The following NCAPG2 variants were observed in gnomAD, a reference collection of about 807,000 sequenced individuals.
NCAPG2 encodes condensin-2 complex subunit G2.
A neutral mutation model predicts 141.1 loss-of-function variants in NCAPG2; 53 were observed. The ratio of observed to expected loss-of-function variants is 0.38; its 90% CI spans 0.30 to 0.47. The LOEUF is 0.47. Ranked by LOEUF, NCAPG2 falls within the 20% of genes least tolerant of loss-of-function variation. NCAPG2 has a pLI of 0.99. For synonymous variants in NCAPG2, 499 were observed against 490.7 expected, an observed-to-expected ratio of 1.02 and a Z score of -0.22; for missense variants, 1,087 against 1,389.0, an observed-to-expected ratio of 0.78 and a Z score of 3.46.
At chr7:158,634,464 G>A (rs557431700) in intron 27 of NCAPG2, among the ~76,000 whole-genome samples, 1 of 152,212 alleles carries the variant, frequency 6.6e-6, no homozygotes, top group African/African-American at 2.4e-5. Context: ...TTCAGTACAG[G>A]CACAACCATC....
At chr7:158,649,409 A>T (rs1378915556) in intron 24 of NCAPG2, among the ~76,000 whole-genome samples, 1 of 152,238 alleles carries the variant, frequency 6.6e-6, no homozygotes, top group African/African-American at 2.4e-5. Flanking sequence ...ATAATTACTC[A>T]ACTCTGCACA....
intron 2 of NCAPG2, among the ~76,000 whole-genome samples, chr7:158,695,976 G>C (rs1193105675): frequency 6.6e-6 from 1 of 152,242 alleles, no homozygotes; most frequent in Non-Finnish European, 1.5e-5. Context: ...GCCCCAGCAA[G>C]GTGCCTTTTT....
At chr7:158,671,762 C>T (rs1256903721) in intron 12 of NCAPG2, 96 bp from the exon 13 acceptor site, 1 of 1,350,498 alleles carries the variant, frequency 7.4e-7, no homozygotes, top group Non-Finnish European at 1.0e-6. Flanking sequence ...TCGGTTCCAT[C>T]TTTATTAGAA....
intron 24 of NCAPG2, among the ~76,000 whole-genome samples, chr7:158,648,881 A>AG: frequency 6.6e-6 from 1 of 150,728 alleles, no homozygotes; most frequent in South Asian, 2.1e-4. Context: ...ATGGACTATA[A>AG]CCACGGCAAA....
rs546096335 is a variant in NCAPG2 at position 158,648,581 on chromosome 7, A to G, written c.3076-2018T>C. Among the ~76,000 whole-genome samples the G allele has an allele frequency of 9.9e-5, 12 of 121,820 alleles. No individual in the cohort carries two copies. In the East Asian group the frequency reaches 1.3e-3, roughly 13 times the overall value. 79.9% of individuals were successfully genotyped at this position (121,820 alleles called of 152,430 possible). On this transcript the variant is annotated intron_variant, in intron 24 of 27. Transcript: ENST00000356309. ...CGACAACCACGCCAAATGGACGACA[A>G]CCACGCCAAATGGACGACAACCACG...
chr7:158,642,359 G>T (rs146161938), intron 27 of NCAPG2, among the ~76,000 whole-genome samples: 9 of 152,140 alleles, frequency 5.9e-5, no homozygotes, highest in African/African-American at 1.7e-4. Context: ...AACATAGTGA[G>T]ACCCCATCTC....
chr7:158,684,409 T>C (rs1466360307), intron 8 of NCAPG2, among the ~76,000 whole-genome samples: 4 of 152,246 alleles, frequency 2.6e-5, no homozygotes, highest in Non-Finnish European at 5.9e-5. Flanking sequence ...GCAAATGCCA[T>C]GTGGGCAACT....
At chr7:158,681,325 A>G (rs1432372351) in intron 9 of NCAPG2, among the ~76,000 whole-genome samples, 1 of 152,212 alleles carries the variant, frequency 6.6e-6, no homozygotes, top group Non-Finnish European at 1.5e-5. Context: ...AGTTCCTCCC[A>G]AAACTTATGA....
Position 158,655,396 on chromosome 7 carries a change from T to C in NCAPG2, c.2448A>G (p.Ala816=), listed in dbSNP as rs1281693012. ...PGGKPRGFSE[A]AAPRAFGLHC... ...GGAGACCAAAGGCTCGCGGGGCAGC[T>C]GCTTCACTGAAGCCACGAGGCTTCC... The change falls in exon 20 of 28, where the codon GCA becomes GCG. Residue 816 remains alanine, a synonymous_variant. Coordinates refer to ENST00000356309, the MANE Select transcript of NCAPG2 (RefSeq NM_017760.7). 1 of 1,614,200 alleles carries C rather than the reference T, an allele frequency of 6.2e-7. No homozygotes were observed. Among genetic ancestry groups the C allele is most frequent in the Non-Finnish European group, 8.5e-7 (1 of 1,180,044 alleles).
At chr7:158,635,506 T>C (rs947054151) in intron 27 of NCAPG2, among the ~76,000 whole-genome samples, 1 of 152,172 alleles carries the variant, frequency 6.6e-6, no homozygotes, top group Non-Finnish European at 1.5e-5. Context: ...CCTTAAGAAA[T>C]ATATTATTTA....
chr7:158,687,326 C>T (rs749366980), intron 7 of NCAPG2, 22 bp downstream of exon 7: 200 of 1,543,760 alleles, frequency 1.3e-4, no homozygotes, highest in Non-Finnish European at 1.8e-4. Flanking sequence ...AGCACAAAAT[C>T]TTCAGTACTT....
chr7:158,664,446 T>G (rs1832763944), intron 14 of NCAPG2, 82 bp downstream of exon 14: 1 of 1,527,698 alleles, frequency 6.5e-7, no homozygotes. Flanking sequence ...CTTATTAAAT[T>G]GACAAATACT....
intron 19 of NCAPG2, among the ~76,000 whole-genome samples, chr7:158,655,995 C>A (rs1445922604): frequency 1.3e-5 from 2 of 152,208 alleles, no homozygotes; most frequent in Non-Finnish European, 2.9e-5. Context: ...TTCTGAGACA[C>A]TGGGGCCATC....
rs778216077 is a variant in NCAPG2 at position 158,631,683 on chromosome 7, C to T, written c.3415G>A (p.Glu1139Lys). The change falls in exon 28 of 28, where the codon GAA becomes AAA. Residue 1139 changes from glutamate to lysine, a missense_variant. Transcript: ENST00000356309. Reference sequence around the variant, plus strand: ...TGGCTTGGTTATGAATTCAAAAGTTCTCCCAGAGTTCTTGATGATGATTCA... The same window carrying T: ...TGGCTTGGTTATGAATTCAAAAGTTTTCCCAGAGTTCTTGATGATGATTCA... ...LYESSSRTLGELLNS is the reference protein window; with the variant it reads ...LYESSSRTLGKLLNS 2 of 1,599,390 alleles carry T rather than the reference C, an allele frequency of 1.3e-6. No homozygotes were observed. The highest frequency in any genetic ancestry group is 8.6e-7 in the Non-Finnish European group (1 of 1,167,282).
intron 24 of NCAPG2, among the ~76,000 whole-genome samples, chr7:158,647,331 T>A (rs911241222): frequency 6.6e-6 from 1 of 152,198 alleles, no homozygotes; most frequent in African/African-American, 2.4e-5. Context: ...CTGGGGCACG[T>A]TGCCCACCCC....
At chr7:158,669,700 C>T (rs985200789) in intron 13 of NCAPG2, among the ~76,000 whole-genome samples, 6 of 124,282 alleles carry the variant, frequency 4.8e-5, no homozygotes, top group Admixed American at 1.1e-4. Flanking sequence ...AGCTGGGAGG[C>T]GGAGGTTGCA....
intron 24 of NCAPG2, among the ~76,000 whole-genome samples, chr7:158,648,202 G>C (rs1831172272): frequency 6.6e-6 from 1 of 152,080 alleles, no homozygotes; most frequent in Non-Finnish European, 1.5e-5. Context: ...ATAAGGGATA[G>C]GAGAACACAA....
intron 7 of NCAPG2, 70 bp downstream of exon 7, chr7:158,687,278 G>A (rs182657732): frequency 1.9e-6 from 2 of 1,072,556 alleles, no homozygotes; most frequent in Middle Eastern, 2.1e-4. Context: ...AACTTAAGAA[G>A]TCAGACCAAA....
intron 11 of NCAPG2, 59 bp from the exon 12 acceptor site, chr7:158,675,715 C>T: frequency 6.5e-7 from 1 of 1,537,842 alleles, no homozygotes; most frequent in Non-Finnish European, 8.8e-7. Context: ...AAATCCACAT[C>T]TGCTTCACAC....
Sources: allele counts gnomAD v4.1 joint callset (sites outside exome capture counted in the v4.1 genomes callset), GRCh38; gene constraint gnomAD v4.1.1; transcripts MANE v1.5; gene names NCBI Gene and HGNC (gene_info 2026-07-23, HGNC 2026-07-21).